Variants in CAMTA1 observed in about 807,000 individuals in gnomAD.
CAMTA1 encodes the protein calmodulin-binding transcription activator 1.
Under a neutral mutation model 170.9 loss-of-function variants are expected in CAMTA1, and 27 were observed. That is an observed-to-expected ratio of 0.16 (90% CI 0.12 to 0.22). CAMTA1 has a LOEUF of 0.22. Ranked by LOEUF, CAMTA1 falls within the 10% of genes least tolerant of loss-of-function variation. The pLI is 1.00. For synonymous variants in CAMTA1, 833 were observed against 891.5 expected, an observed-to-expected ratio of 0.93 and a Z score of 1.17; for missense variants, 1,619 against 2,217.2, an observed-to-expected ratio of 0.73 and a Z score of 5.42.
chr1:7,426,818 G>A lies in CAMTA1; in HGVS notation c.439-41012G>A, dbSNP rs961339767. Among the ~76,000 whole-genome samples the A allele has an allele frequency of 5.3e-5, 8 of 152,222 alleles. No individual in the cohort carries two copies. On this transcript the variant is annotated intron_variant, in intron 5 of 22. Coordinates refer to ENST00000303635, the MANE Select transcript of CAMTA1 (RefSeq NM_015215.4). The surrounding 1 kb of genome is among the most constrained non-coding windows in gnomAD (Gnocchi z 4.8). ...TGACTTAAAAATAATGGCTTTCGTA[G>A]AATTGCAAAATTAGAGTTAAAAAGA...
chr1:7,174,499 A>T (rs1182628298), intron 4 of CAMTA1, among the ~76,000 whole-genome samples: 1 of 152,250 alleles, frequency 6.6e-6, no homozygotes, highest in Non-Finnish European at 1.5e-5. Flanking sequence ...GAGGTAACCG[A>T]AACAGCTCTG....
At chr1:6,902,084 T>TAA (rs143405526) in intron 3 of CAMTA1, among the ~76,000 whole-genome samples, 2,011 of 105,010 alleles carry the variant, frequency 0.019, 47 homozygotes, top group African/African-American at 0.078. Flanking sequence ...AAAAAAAAAA[T>TAA]AAAAATAAAA....
chr1:7,547,090 A>G lies in CAMTA1; in HGVS notation c.510+79189A>G, dbSNP rs2094703649. On this transcript the variant is annotated intron_variant, in intron 6 of 22. Transcript: ENST00000303635. The surrounding 1 kb of genome is among the most constrained non-coding windows in gnomAD (Gnocchi z 5.7). ...TATTTCAGTGTTCATGTTGTCTCAG[A>G]TTTGGTTGGTGGACCTCCATTCAAG... Among the ~76,000 whole-genome samples, 1 of 152,090 alleles carries G rather than the reference A, an allele frequency of 6.6e-6. No homozygotes were observed. Among genetic ancestry groups the G allele is most frequent in the Non-Finnish European group, 1.5e-5 (1 of 68,030 alleles).
Position 7,007,979 on chromosome 1 carries a change from G to A in CAMTA1, c.235-83325G>A, listed in dbSNP as rs1177522946. 6.6e-6 allele frequency among the ~76,000 whole-genome samples: 1 copy of A among 152,210 alleles called. No individual in the cohort carries two copies. The highest frequency in any genetic ancestry group is 1.5e-5 in the Non-Finnish European group (1 of 68,034). On this transcript the variant is annotated intron_variant, in intron 3 of 22. Transcript: ENST00000303635. This position sits in a 1 kb window ranked among gnomAD's most constrained non-coding sequence, Gnocchi z 4.5. ...AAAGGGAGGCCCGTGTTGGTGCCCT[G>A]TCCTCATCCAGTGGGAGGGGAGGAG...
chr1:7,612,163 G>A (rs946020753), intron 6 of CAMTA1, among the ~76,000 whole-genome samples: 36 of 152,310 alleles, frequency 2.4e-4, no homozygotes, highest in Non-Finnish European at 4.9e-4. Flanking sequence ...CCAGCTTCTT[G>A]TCCGGTATCC....
chr1:6,838,319 G>A (rs769480377), intron 3 of CAMTA1, among the ~76,000 whole-genome samples: 9 of 152,176 alleles, frequency 5.9e-5, no homozygotes, highest in Non-Finnish European at 1.3e-4. Flanking sequence ...CACAACCACG[G>A]AAGGAAGAAC....
intron 5 of CAMTA1, among the ~76,000 whole-genome samples, chr1:7,322,247 T>G (rs1435682549): frequency 6.6e-6 from 1 of 152,242 alleles, no homozygotes; most frequent in African/African-American, 2.4e-5. Context: ...TCTTGGGCTT[T>G]GTCGGCCCCA....
chr1:7,378,976 GC>G (rs1343024671), intron 5 of CAMTA1, among the ~76,000 whole-genome samples: 1 of 152,134 alleles, frequency 6.6e-6, no homozygotes. Context: ...TCTCTGACTT[GC>G]CTGGGTGGCC....
rs1661265807 is a variant in CAMTA1, at chr1:7,224,043, A to C, written c.303-25448A>C. 6.6e-6 allele frequency among the ~76,000 whole-genome samples: 1 copy of C among 152,158 alleles called. No homozygotes were observed. Among genetic ancestry groups the C allele is most frequent in the South Asian group, 2.1e-4 (1 of 4,826 alleles). ...TCTGGGTGTGTAATGACCACAGACTAATCTTAATCATAATCACTACCATGA... is the reference window on the plus strand; with the variant it reads ...TCTGGGTGTGTAATGACCACAGACTCATCTTAATCATAATCACTACCATGA... On this transcript the variant is annotated intron_variant, in intron 4 of 22. Coordinates refer to ENST00000303635, the MANE Select transcript of CAMTA1 (RefSeq NM_015215.4). This position sits in a 1 kb window ranked among gnomAD's most constrained non-coding sequence, Gnocchi z 5.2.
At chr1:7,141,385 T>G (rs1645880292) in intron 4 of CAMTA1, among the ~76,000 whole-genome samples, 1 of 152,210 alleles carries the variant, frequency 6.6e-6, no homozygotes, top group African/African-American at 2.4e-5. Flanking sequence ...TGTTATCTCT[T>G]TAATTTGAGG....
At chr1:7,198,661 C>G (rs1656040171) in intron 4 of CAMTA1, among the ~76,000 whole-genome samples, 1 of 152,050 alleles carries the variant, frequency 6.6e-6, no homozygotes, top group Non-Finnish European at 1.5e-5. Context: ...GTGGCAGCTT[C>G]CACCTCTAGG....
chr1:7,449,921 TACC>T (rs931522978), intron 5 of CAMTA1, among the ~76,000 whole-genome samples: 2 of 152,066 alleles, frequency 1.3e-5, no homozygotes, highest in Non-Finnish European at 2.9e-5. Context: ...AGGCGTTTGA[TACC>T]ACACTTCGCA....
intron 3 of CAMTA1, among the ~76,000 whole-genome samples, chr1:7,049,422 C>T (rs973883912): frequency 6.6e-6 from 1 of 152,142 alleles, no homozygotes; most frequent in Admixed American, 6.5e-5. Context: ...ATTCCATCTT[C>T]ATTTTGTGTC....
intron 3 of CAMTA1, among the ~76,000 whole-genome samples, chr1:6,894,432 C>A (rs1212474894): frequency 6.6e-6 from 1 of 152,158 alleles, no homozygotes; most frequent in Non-Finnish European, 1.5e-5. Context: ...TTTGTAGGTT[C>A]TTTGGAAGAT....
At chr1:7,497,455 C>T (rs1395140994) in intron 6 of CAMTA1, among the ~76,000 whole-genome samples, 21 of 152,224 alleles carry the variant, frequency 1.4e-4, no homozygotes, top group Admixed American at 1.4e-3. Context: ...AGGCACGGCC[C>T]ATCTAGAGAA....
At chr1:7,030,111 A>G (rs140245685) in intron 3 of CAMTA1, among the ~76,000 whole-genome samples, 156 of 152,356 alleles carry the variant, frequency 1.0e-3, no homozygotes, top group Middle Eastern at 3.4e-3. Flanking sequence ...CTTTGTTACT[A>G]TATCAAAACC....
chr1:7,349,044 G>A (rs1370334896), intron 5 of CAMTA1, among the ~76,000 whole-genome samples: 1 of 152,148 alleles, frequency 6.6e-6, no homozygotes, highest in Non-Finnish European at 1.5e-5. Context: ...TCATTTGTCT[G>A]TAAGAGATTC....
At chr1:7,755,732 T>C in intron 22 of CAMTA1, 64 bp downstream of exon 22, 2 of 1,418,004 alleles carry the variant, frequency 1.4e-6, no homozygotes, top group Non-Finnish European at 1.0e-6. Context: ...TGCTTTTTGC[T>C]TGCTTGCATG....
intron 3 of CAMTA1, among the ~76,000 whole-genome samples, chr1:6,982,534 A>T (rs1266885924): frequency 6.6e-6 from 1 of 152,170 alleles, no homozygotes; most frequent in Non-Finnish European, 1.5e-5. Flanking sequence ...AGCCCTTGGA[A>T]CAAGTGTTTC....
Sources: allele counts gnomAD v4.1 joint callset (sites outside exome capture counted in the v4.1 genomes callset), GRCh38; gene constraint gnomAD v4.1.1; non-coding constraint Gnocchi (gnomAD v3.1); transcripts MANE v1.5; gene names NCBI Gene and HGNC (gene_info 2026-07-23, HGNC 2026-07-21).